CDC42BPA: variants seen among roughly 807,000 people sequenced by gnomAD.
The protein encoded by CDC42BPA is serine/threonine-protein kinase MRCK alpha.
CDC42BPA carries 80 observed loss-of-function variants against 223.5 expected under a neutral mutation model. The ratio of observed to expected loss-of-function variants is 0.36; its 90% confidence interval spans 0.30 to 0.43. CDC42BPA has a LOEUF of 0.43. CDC42BPA is among the 20% of genes least tolerant of loss of function. The pLI is 1.00. For synonymous variants in CDC42BPA, 694 were observed against 718.6 expected, an observed-to-expected ratio of 0.97 and a Z score of 0.55; for missense variants, 1,743 against 2,099.9, an observed-to-expected ratio of 0.83 and a Z score of 3.32.
intron 2 of CDC42BPA, among the ~76,000 whole-genome samples, chr1:227,222,534 A>G (rs1260607335): frequency 6.6e-6 from 1 of 151,970 alleles, no homozygotes; most frequent in African/African-American, 2.4e-5. Flanking sequence ...AAACTATCAG[A>G]TTTTACCTGT....
intron 5 of CDC42BPA, among the ~76,000 whole-genome samples, chr1:227,178,996 G>A (rs2150015362): frequency 6.6e-6 from 1 of 152,252 alleles, no homozygotes; most frequent in Admixed American, 6.5e-5. Flanking sequence ...CAGTCTACCT[G>A]GTTGAGATCA....
At chr1:227,094,159 G>T (rs1436818354) in intron 15 of CDC42BPA, among the ~76,000 whole-genome samples, 2 of 152,184 alleles carry the variant, frequency 1.3e-5, no homozygotes, top group Non-Finnish European at 2.9e-5. Flanking sequence ...GCAGCATACA[G>T]AAATGAATTC....
intron 24 of CDC42BPA, among the ~76,000 whole-genome samples, chr1:227,038,808 C>G (rs577578312): frequency 6.6e-6 from 1 of 152,190 alleles, no homozygotes; most frequent in South Asian, 2.1e-4. Flanking sequence ...AAAGCAATGG[C>G]TACCAAGAGG....
chr1:227,140,686 G>C (rs1659505473), intron 9 of CDC42BPA, among the ~76,000 whole-genome samples: 1 of 152,174 alleles, frequency 6.6e-6, no homozygotes, highest in Admixed American at 6.5e-5. Flanking sequence ...GTTGGGGATG[G>C]GTGGACTGGT....
intron 1 of CDC42BPA, among the ~76,000 whole-genome samples, chr1:227,298,381 GTAAA>G (rs1691078731): frequency 6.6e-6 from 1 of 151,872 alleles, no homozygotes; most frequent in South Asian, 2.1e-4. Context: ...ATATCCTCAG[GTAAA>G]TAGTTTCTTT....
chr1:227,170,504 T>C (rs1004218609), intron 5 of CDC42BPA, among the ~76,000 whole-genome samples: 13 of 151,708 alleles, frequency 8.6e-5, no homozygotes, highest in Non-Finnish European at 1.3e-4. Flanking sequence ...TTAGTCACTA[T>C]AGTGTTTCAG....
At chr1:227,142,923 T>A in intron 9 of CDC42BPA, 22 bp downstream of exon 9, 1 of 1,525,304 alleles carries the variant, frequency 6.6e-7, no homozygotes, top group Non-Finnish European at 8.8e-7. Context: ...TGGCCCAAAC[T>A]ATGTTAACTT....
At chr1:227,211,750 T>C (rs1359783012) in intron 3 of CDC42BPA, among the ~76,000 whole-genome samples, 1 of 151,958 alleles carries the variant, frequency 6.6e-6, no homozygotes, top group Admixed American at 6.6e-5. Flanking sequence ...GAATAATACA[T>C]TGCAGACTAC....
chr1:227,129,068 C>G (rs374220864), intron 11 of CDC42BPA, 41 bp downstream of exon 11: 2 of 1,287,544 alleles, frequency 1.6e-6, no homozygotes, highest in South Asian at 2.6e-5. Context: ...ATTTTTTAAA[C>G]ATTTCCTAAA....
intron 10 of CDC42BPA, 97 bp downstream of exon 10, chr1:227,139,479 T>G: frequency 1.3e-6 from 1 of 764,630 alleles, no homozygotes; most frequent in Non-Finnish European, 2.0e-6. Flanking sequence ...CCACTTAAAA[T>G]AATTTTTTTC....
At chr1:227,032,826 C>G (rs1437162600) in intron 27 of CDC42BPA, among the ~76,000 whole-genome samples, 1 of 152,156 alleles carries the variant, frequency 6.6e-6, no homozygotes, top group East Asian at 1.9e-4. Flanking sequence ...ATTAGATGTT[C>G]TGGTCCCAAA....
At chr1:227,299,948 G>A (rs1691329571) in intron 1 of CDC42BPA, among the ~76,000 whole-genome samples, 1 of 152,156 alleles carries the variant, frequency 6.6e-6, no homozygotes, top group Admixed American at 6.6e-5. Context: ...ACCTGACTCA[G>A]GAGTAGTTAG....
intron 1 of CDC42BPA, among the ~76,000 whole-genome samples, chr1:227,279,355 T>C (rs971429511): frequency 6.6e-6 from 1 of 152,178 alleles, no homozygotes; most frequent in Non-Finnish European, 1.5e-5. Context: ...ATGGAGGTAC[T>C]GCTTTCATAA....
At position 227,101,073 on chromosome 1, in the gene CDC42BPA, T is replaced by C. The variant is rs749690304; in HGVS notation, c.2168A>G (p.His723Arg). 1.3e-5 allele frequency: 21 copies of C among 1,572,430 alleles called. No individual in the cohort carries two copies. The highest frequency in any genetic ancestry group is 5.0e-5 in the Admixed American group (3 of 59,804). The change falls in exon 15 of 37, where the codon CAT (histidine) becomes CGT (arginine). Residue 723 changes from histidine to arginine, a missense_variant. Physicochemically the swap from His to Arg is conservative, Grantham distance 29 (BLOSUM62 0). This residue lies in a region of CDC42BPA where 464 missense variants were observed against 488.0 expected (regional missense o/e 0.95). Transcript: ENST00000366766. Reference protein sequence around the residue: ...NEIKNLKKELHDSEGQQLALN... With the variant: ...NEIKNLKKELRDSEGQQLALN... Reference sequence around the variant, plus strand: ...AGCAAGTTGCTGACCTTCTGAATCATGCAGTTCTTTCTTAAGATTTTTTAT... The same window carrying C: ...AGCAAGTTGCTGACCTTCTGAATCACGCAGTTCTTTCTTAAGATTTTTTAT...
chr1:227,138,316 T>A (rs1012644836), intron 10 of CDC42BPA, among the ~76,000 whole-genome samples: 1 of 151,894 alleles, frequency 6.6e-6, no homozygotes, highest in African/African-American at 2.4e-5. Context: ...AAGGAGACAG[T>A]AGTACTGGGG....
intron 2 of CDC42BPA, among the ~76,000 whole-genome samples, chr1:227,253,331 A>C (rs1006944392): frequency 2.0e-5 from 3 of 152,196 alleles, no homozygotes; most frequent in Non-Finnish European, 4.4e-5. Flanking sequence ...AACTGATTCT[A>C]AAATACTATG....
At chr1:227,304,642 C>T (rs1257431830) in intron 1 of CDC42BPA, among the ~76,000 whole-genome samples, 1 of 152,232 alleles carries the variant, frequency 6.6e-6, no homozygotes, top group Non-Finnish European at 1.5e-5. Context: ...ATTCAACCTA[C>T]ATTACCAAAT....
chr1:227,210,408 G>A (rs906954605), intron 3 of CDC42BPA, among the ~76,000 whole-genome samples: 1 of 151,986 alleles, frequency 6.6e-6, no homozygotes, highest in African/African-American at 2.4e-5. Flanking sequence ...CTACCTTTTG[G>A]GTTCTTCTAA....
chr1:227,047,753 A>G (rs1020379968), intron 23 of CDC42BPA, among the ~76,000 whole-genome samples, 174 bp downstream of exon 23: 2 of 152,160 alleles, frequency 1.3e-5, no homozygotes, highest in African/African-American at 4.8e-5. Flanking sequence ...AAAGTGCTGT[A>G]CGCTCTCCCT....
Sources: allele counts gnomAD v4.1 joint callset (sites outside exome capture counted in the v4.1 genomes callset), GRCh38; gene constraint gnomAD v4.1.1; regional missense constraint gnomAD v4.1.1; transcripts MANE v1.5; gene names NCBI Gene and HGNC (gene_info 2026-07-23, HGNC 2026-07-21).